The following ZNF600 variants were observed in gnomAD, a reference collection of about 807,000 sequenced individuals.
ZNF600 encodes the protein zinc finger protein 600, also known as zinc finger protein KR-ZNF1.
A neutral mutation model predicts 7.3 loss-of-function variants in ZNF600; 4 were observed. The ratio of observed to expected loss-of-function variants is 0.55; its 90% CI spans 0.27 to 1.25. ZNF600 has a LOEUF of 1.25. Ranked by LOEUF, ZNF600 falls within the 50% of genes most tolerant of loss-of-function variation. The probability of loss-of-function intolerance (pLI) is 0.12; values close to 1 mark genes in which losing one functional copy is unlikely to be tolerated. For synonymous variants in ZNF600, 290 were observed against 308.9 expected, an observed-to-expected ratio of 0.94 and a Z score of 0.64; for missense variants, 911 against 922.1, an observed-to-expected ratio of 0.99 and a Z score of 0.16.
At chr19:52,809,250 T>C in the ZNF600 span, among the ~76,000 whole-genome samples, 1 of 152,152 alleles carries the variant, frequency 6.6e-6, no homozygotes, top group Non-Finnish European at 1.5e-5. Context: ...ATATCTGTAG[T>C]AATGCGGACG....
At chr19:52,793,083 A>G in the ZNF600 span, among the ~76,000 whole-genome samples, 1 of 150,838 alleles carries the variant, frequency 6.6e-6, no homozygotes, top group African/African-American at 2.4e-5. Flanking sequence ...GCTCGAACTC[A>G]ATGTTAAATC....
At chr19:52,780,326 A>C (rs1286252389) in intron 1 of ZNF600, among the ~76,000 whole-genome samples, 1 of 152,196 alleles carries the variant, frequency 6.6e-6, no homozygotes, top group Non-Finnish European at 1.5e-5. Context: ...AAACCCGGAG[A>C]AGATGATATC....
the ZNF600 span, chr19:52,800,464 G>A: frequency 6.2e-7 from 1 of 1,613,638 alleles, no homozygotes; most frequent in Non-Finnish European, 8.5e-7. Context: ...TCTGCAGTAT[G>A]AAGTCTATGA....
rs943630049 is a variant in ZNF600, at chr19:52,781,303, G to A, written c.-19-2396C>T. 4.6e-5 allele frequency: 7 copies of A among 152,070 alleles called. No homozygotes were observed. Among genetic ancestry groups the A allele is most frequent in the African/African-American group, 1.7e-4 (7 of 41,376 alleles). The allele number at this position is 152,070 out of a possible 1,614,324, so 9.4% of individuals were successfully genotyped here. A position where few individuals can be genotyped will look rare whatever the true frequency, so the allele number is the denominator to read the frequency against. ...CAGTGTCACTGACTGAGCTTTTCCGGTCTTATTCCTCACCTCTATGTTACA... is the reference window on the plus strand; with the variant it reads ...CAGTGTCACTGACTGAGCTTTTCCGATCTTATTCCTCACCTCTATGTTACA... On this transcript the variant is annotated intron_variant, in intron 1 of 3. Coordinates refer to ENST00000648973, the Ensembl canonical transcript of ZNF600.
chr19:52,812,081 G>A, the ZNF600 span, among the ~76,000 whole-genome samples: 1 of 89,864 alleles, frequency 1.1e-5, no homozygotes, highest in Non-Finnish European at 2.1e-5. Context: ...CTGCCCGGCC[G>A]CCCCTACTGG....
the ZNF600 span, among the ~76,000 whole-genome samples, chr19:52,829,083 C>T: frequency 1.3e-5 from 2 of 152,226 alleles, no homozygotes; most frequent in Admixed American, 1.3e-4. Flanking sequence ...CCAGGATGGT[C>T]TTCATCTCCT....
the ZNF600 span, among the ~76,000 whole-genome samples, chr19:52,815,134 A>T: frequency 1.4e-5 from 2 of 144,434 alleles, no homozygotes; most frequent in Non-Finnish European, 3.0e-5. Context: ...TAAAATATAA[A>T]AAGTAGCAAG....
chr19:52,768,262 T>C (rs1396610634), intron 3 of ZNF600, among the ~76,000 whole-genome samples: 1 of 151,518 alleles, frequency 6.6e-6, no homozygotes, highest in African/African-American at 2.4e-5. Context: ...CAAACAATTA[T>C]AGCACCGAGA....
chr19:52,809,256 G>C, the ZNF600 span, among the ~76,000 whole-genome samples: 20 of 152,176 alleles, frequency 1.3e-4, no homozygotes, highest in African/African-American at 4.3e-4. Flanking sequence ...GTAGTAATGC[G>C]GACGTGCACA....
chr19:52,784,620 A>G (rs1181060381), intron 1 of ZNF600, among the ~76,000 whole-genome samples: 2 of 152,238 alleles, frequency 1.3e-5, no homozygotes, highest in African/African-American at 4.8e-5. Context: ...AAAATTCTAA[A>G]TCTCATCTGT....
chr19:52,833,211 C>T, the ZNF600 span, among the ~76,000 whole-genome samples: 2 of 152,312 alleles, frequency 1.3e-5, no homozygotes, highest in South Asian at 4.1e-4. Context: ...TTTCTCTGAT[C>T]TGGTCCACGA....
intron 3 of ZNF600, among the ~76,000 whole-genome samples, chr19:52,771,449 C>G (rs11880365): frequency 0.062 from 9,416 of 151,684 alleles, 944 homozygotes; most frequent in African/African-American, 0.21. Flanking sequence ...GAGTAGCTGG[C>G]ACTACAGATA....
At chr19:52,805,703 C>T in the ZNF600 span, 95 of 137,676 alleles carry the variant, frequency 6.9e-4, 1 homozygote, top group African/African-American at 2.3e-3. Context: ...AACAGATAGG[C>T]CAAGCATCGT....
At chr19:52,809,837 C>CGGCGGCGGTGGCGGT in the ZNF600 span, 4 of 553,894 alleles carry the variant, frequency 7.2e-6, no homozygotes, top group Admixed American at 3.6e-5. Flanking sequence ...GCGGCGGCGG[C>CGGCGGCGGTGGCGGT]GGTGGCGGTG....
exon 4 of ZNF600, chr19:52,767,581 G>T: frequency 1.9e-6 from 3 of 1,613,838 alleles, no homozygotes; most frequent in Non-Finnish European, 2.5e-6. Flanking sequence ...TTTGTCATGG[G>T]TGCTTCATGG....
In ZNF600 at chr19:52,766,360, C is replaced by A. The variant is rs184713139; in HGVS notation, c.1603G>T (p.Gly535Ter). 1 of 1,614,130 alleles carries A rather than the reference C, an allele frequency of 6.2e-7. No individual in the cohort carries two copies. Among genetic ancestry groups the A allele is most frequent in the African/African-American group, 1.3e-5 (1 of 75,028 alleles). The stretch of plus-strand genomic sequence containing the variant: ...ACCTTACATTTGTATGGTTTCTCTC[C>A]GGTGTGAATTATCTTATGTGTCTCA... Residue 535 changes from glycine (G) to a stop codon, truncating the protein, a stop_gained, in exon 4 of 4, where the codon GGA becomes TGA. Coordinates refer to ENST00000648973, the Ensembl canonical transcript of ZNF600. LOFTEE classifies it low-confidence loss of function (END_TRUNC).
the ZNF600 span, among the ~76,000 whole-genome samples, chr19:52,827,259 A>AG: frequency 6.6e-6 from 1 of 151,908 alleles, no homozygotes; most frequent in Admixed American, 6.6e-5. Context: ...CAAAAAAAAA[A>AG]AAAGAAAAAA....
chr19:52,795,692 G>A, the ZNF600 span, among the ~76,000 whole-genome samples: 1,007 of 152,156 alleles, frequency 6.6e-3, 3 homozygotes, highest in Non-Finnish European at 0.012. Context: ...TCAGCCTCCT[G>A]AGTAGCTGGG....
At chr19:52,808,239 T>G in the ZNF600 span, 40 of 1,536,400 alleles carry the variant, frequency 2.6e-5, no homozygotes, top group Non-Finnish European at 3.3e-5. Context: ...GTGAATGTTC[T>G]CACAAATCCG....
Sources: allele counts gnomAD v4.1 joint callset (sites outside exome capture counted in the v4.1 genomes callset), GRCh38; gene constraint gnomAD v4.1.1; transcripts MANE v1.5; gene names NCBI Gene and HGNC (gene_info 2026-07-23, HGNC 2026-07-21).